COL5A1: variants seen among roughly 807,000 people sequenced by gnomAD.
COL5A1 encodes collagen type V alpha 1 chain.
COL5A1 carries 16 observed loss-of-function variants against 263.7 expected under a neutral mutation model. The observed-to-expected ratio is 0.06, with a 90% CI of 0.04 to 0.09. The LOEUF is 0.09. COL5A1 is among the 10% of genes least tolerant of loss of function. The pLI is 1.00. For missense variants in COL5A1, 2,036 were observed against 2,540.5 expected, an observed-to-expected ratio of 0.80 and a Z score of 4.27; for synonymous variants, 1,012 against 1,004.5, an observed-to-expected ratio of 1.01 and a Z score of -0.14.
chr9:134,767,445 C>A, intron 24 of COL5A1, 91 bp downstream of exon 24: 1 of 1,211,900 alleles, frequency 8.3e-7, no homozygotes, highest in Non-Finnish European at 1.2e-6. Context: ...TATCCACCAG[C>A]TCTCAATGTA....
At chr9:134,770,466 G>A (rs572404956) in intron 25 of COL5A1, among the ~76,000 whole-genome samples, 3 of 152,194 alleles carry the variant, frequency 2.0e-5, no homozygotes, top group African/African-American at 4.8e-5. Flanking sequence ...GAATATTACA[G>A]AGCCAGTAAG....
At chr9:134,836,426 C>T (rs933496977) in intron 65 of COL5A1, among the ~76,000 whole-genome samples, 2 of 152,242 alleles carry the variant, frequency 1.3e-5, no homozygotes, top group African/African-American at 2.4e-5. Flanking sequence ...GGCCCACCTC[C>T]AACACTGGGA....
At chr9:134,828,456 G>A (rs1397488234) in intron 63 of COL5A1, among the ~76,000 whole-genome samples, 1 of 137,308 alleles carries the variant, frequency 7.3e-6, no homozygotes, top group Non-Finnish European at 1.6e-5. Flanking sequence ...ACACACACAC[G>A]CAGATGCACA....
In COL5A1 at chr9:134,754,963, G is replaced by A. The variant is rs1835917826; in HGVS notation, c.1827+637G>A. On this transcript the variant is annotated intron_variant, in intron 16 of 65. Coordinates refer to ENST00000371817, the MANE Select transcript of COL5A1 (RefSeq NM_000093.5). The surrounding 1 kb of genome is among the most constrained non-coding windows in gnomAD (Gnocchi z 4.3). ...TCGGTGCAGGGTTGGATTTGTTTCAGTGTGGACCTCTTCCCAGTATGTTGT... is the reference window on the plus strand; with the variant it reads ...TCGGTGCAGGGTTGGATTTGTTTCAATGTGGACCTCTTCCCAGTATGTTGT... Among the ~76,000 whole-genome samples the A allele has an allele frequency of 6.6e-6, 1 of 152,148 alleles. No homozygotes were observed. The highest frequency in any genetic ancestry group is 2.4e-5 in the African/African-American group (1 of 41,440).
Position 134,678,826 on chromosome 9 carries a change from C to G in COL5A1, c.110-12086C>G, listed in dbSNP as rs1832752277. On this transcript the variant is annotated intron_variant, in intron 1 of 65. Coordinates refer to ENST00000371817, the MANE Select transcript of COL5A1 (RefSeq NM_000093.5). This position sits in a 1 kb window ranked among gnomAD's most constrained non-coding sequence, Gnocchi z 5.5. ...AAATGCCGTTGGAACTGGGTGGCCCCTGAAGTGTCTGCTTTTTGCCAAGGC... is the reference window on the plus strand; with the variant it reads ...AAATGCCGTTGGAACTGGGTGGCCCGTGAAGTGTCTGCTTTTTGCCAAGGC... Among the ~76,000 whole-genome samples, 1 of 152,234 alleles carries G rather than the reference C, an allele frequency of 6.6e-6. No homozygotes were observed. The highest frequency in any genetic ancestry group is 2.4e-5 in the African/African-American group (1 of 41,460).
intron 30 of COL5A1, 91 bp from the exon 31 acceptor site, chr9:134,785,904 C>T: frequency 8.2e-7 from 1 of 1,224,782 alleles, no homozygotes; most frequent in Non-Finnish European, 1.2e-6. Flanking sequence ...CCTCCAGGCC[C>T]CTGCCAGAAC....
chr9:134,741,557 C>A lies in COL5A1; in HGVS notation c.1494+2749C>A, dbSNP rs1835304223. Among the ~76,000 whole-genome samples, 1 of 151,878 alleles carries A rather than the reference C, an allele frequency of 6.6e-6. No homozygotes were observed. Among genetic ancestry groups the A allele is most frequent in the South Asian group, 2.1e-4 (1 of 4,818 alleles). On this transcript the variant is annotated intron_variant, in intron 11 of 65. Transcript: ENST00000371817. The surrounding 1 kb of genome is among the most constrained non-coding windows in gnomAD (Gnocchi z 4.5). ...GCAGATTCACTGGGGGCTGGCCTCC[C>A]TCTCAGGTGATAAGGGGCGCTCTCC... is the stretch of plus-strand genomic sequence containing the variant.
At position 134,652,927 on chromosome 9, in the gene COL5A1, G is replaced by A. The variant is rs529605293; in HGVS notation, c.109+10631G>A. 3.4e-5 allele frequency: 11 copies of A among 327,666 alleles called. No homozygotes were observed. The highest frequency in any genetic ancestry group is 6.8e-5 in the Non-Finnish European group (11 of 162,002). The allele number at this position is 327,666 out of a possible 1,614,324, so 20.3% of individuals were successfully genotyped here. On this transcript the variant is annotated intron_variant, in intron 1 of 65. Transcript: ENST00000371817. This position sits in a 1 kb window ranked among gnomAD's most constrained non-coding sequence, Gnocchi z 4.4. ...CTAACGAAGTCAGTTCCCAGACCAC[G>A]CGGATGCTGGAGCGTCTGGGGGTGC...
At chr9:134,816,270 C>T (rs79631820) in intron 52 of COL5A1, among the ~76,000 whole-genome samples, 154 of 152,310 alleles carry the variant, frequency 1.0e-3, no homozygotes, top group African/African-American at 3.3e-3. Context: ...ACCATGGGCT[C>T]GCCCGGGAAC....
chr9:134,791,941 A>T (rs1441423172), intron 32 of COL5A1, among the ~76,000 whole-genome samples: 1 of 152,198 alleles, frequency 6.6e-6, no homozygotes, highest in Non-Finnish European at 1.5e-5. Context: ...ATGATGAAGG[A>T]CAAGGGTGAG....
intron 33 of COL5A1, 61 bp downstream of exon 33, chr9:134,795,187 G>A (rs370315864): frequency 2.1e-4 from 331 of 1,613,110 alleles, no homozygotes; most frequent in Admixed American, 3.8e-4. Context: ...TAGGGAGCAC[G>A]TGCCAGGGGC....
At chr9:134,669,084 C>A (rs942062228) in intron 1 of COL5A1, among the ~76,000 whole-genome samples, 11 of 151,576 alleles carry the variant, frequency 7.3e-5, no homozygotes, top group African/African-American at 2.7e-4. Flanking sequence ...ATCCACCCAT[C>A]CTTTCACCCA....
At position 134,798,509 on chromosome 9, in the gene COL5A1, A is replaced by C. The variant is rs562236744; in HGVS notation, c.2952+48A>C. ...GACGTGGCTGGCTGGCTCTCTGACCACCCTGCACGTGGGCACAGCCCTCGC... is the reference window on the plus strand; with the variant it reads ...GACGTGGCTGGCTGGCTCTCTGACCCCCCTGCACGTGGGCACAGCCCTCGC... On this transcript the variant is annotated intron_variant, in intron 37 of 65. Transcript: ENST00000371817. 153 of 1,576,894 alleles carry C rather than the reference A, an allele frequency of 9.7e-5. 1 individual carries two copies. In the South Asian group the frequency reaches 1.6e-3, roughly 17 times the overall value.
chr9:134,777,075 G>T (rs1458120546), intron 27 of COL5A1, among the ~76,000 whole-genome samples: 1 of 152,206 alleles, frequency 6.6e-6, no homozygotes, highest in Non-Finnish European at 1.5e-5. Context: ...CAGCAGGCTC[G>T]TGTTCCTTTG....
At chr9:134,743,464 G>C (rs978260005) in intron 11 of COL5A1, among the ~76,000 whole-genome samples, 1 of 152,154 alleles carries the variant, frequency 6.6e-6, no homozygotes, top group Admixed American at 6.5e-5. Flanking sequence ...TCTGCTTCTG[G>C]GTCTGTGGGC....
rs182769530 is a variant in COL5A1 at position 134,818,404 on chromosome 9, G to A, written c.4231-252G>A. ...GTTCCATCCCTGCTCGGGCAGTGGC[G>A]CTGTGACACCCGGTCTGTGGTCGGC... On this transcript the variant is annotated intron_variant, in intron 54 of 65. Coordinates refer to ENST00000371817, the MANE Select transcript of COL5A1 (RefSeq NM_000093.5). This position sits in a 1 kb window ranked among gnomAD's most constrained non-coding sequence, Gnocchi z 6.0. Among the ~76,000 whole-genome samples the A allele has an allele frequency of 6.6e-6, 1 of 152,288 alleles. No homozygotes were observed. Among genetic ancestry groups the A allele is most frequent in the East Asian group, 1.9e-4 (1 of 5,174 alleles).
chr9:134,687,864 T>C (rs1171050717), intron 1 of COL5A1, among the ~76,000 whole-genome samples: 2 of 152,178 alleles, frequency 1.3e-5, no homozygotes, highest in African/African-American at 2.4e-5. Flanking sequence ...CTGTTGATTC[T>C]GCAGCTTCTC....
intron 27 of COL5A1, among the ~76,000 whole-genome samples, chr9:134,777,407 G>T (rs1483497667): frequency 6.6e-6 from 1 of 152,178 alleles, no homozygotes; most frequent in Non-Finnish European, 1.5e-5. Flanking sequence ...TGACTGGGGA[G>T]TGCCCTCTAA....
At chr9:134,759,655 CAT>C (rs1240454161) in intron 18 of COL5A1, among the ~76,000 whole-genome samples, 5 of 123,928 alleles carry the variant, frequency 4.0e-5, no homozygotes, top group African/African-American at 3.6e-5. Flanking sequence ...CACATGCACA[CAT>C]ACGCATGCAC....
Sources: allele counts gnomAD v4.1 joint callset (sites outside exome capture counted in the v4.1 genomes callset), GRCh38; gene constraint gnomAD v4.1.1; non-coding constraint Gnocchi (gnomAD v3.1); transcripts MANE v1.5; gene names NCBI Gene and HGNC (gene_info 2026-07-23, HGNC 2026-07-21).